The following CABLES1 variants were observed in gnomAD, a reference collection of about 807,000 sequenced individuals.
CABLES1 encodes the protein Cdk5 and Abl enzyme substrate 1, also known as CDK5 and ABL1 enzyme substrate 1.
CABLES1 carries 36 observed loss-of-function variants against 57.8 expected under a neutral mutation model. The ratio of observed to expected loss-of-function variants is 0.62; its 90% confidence interval spans 0.48 to 0.82. The LOEUF is 0.82. CABLES1 is among the 40% of genes least tolerant of loss of function. CABLES1 has a pLI of 0.00. For synonymous variants in CABLES1, 374 were observed against 363.0 expected (o/e 1.03, Z -0.35); for missense variants, 767 against 836.6 (o/e 0.92, Z 1.03).
intron 7 of CABLES1, among the ~76,000 whole-genome samples, chr18:23,241,638 C>A (rs1429097127): frequency 6.6e-6 from 1 of 152,224 alleles, no homozygotes; most frequent in African/African-American, 2.4e-5. Context: ...TGTTCTTGTG[C>A]ATGGCTTTCT....
chr18:23,156,310 C>T (rs890682681), intron 1 of CABLES1, among the ~76,000 whole-genome samples: 10 of 152,140 alleles, frequency 6.6e-5, no homozygotes, highest in Non-Finnish European at 1.3e-4. Context: ...GATGGAGGGA[C>T]GAGAGCCCTT....
intron 1 of CABLES1, among the ~76,000 whole-genome samples, chr18:23,148,151 G>A (rs554376192): frequency 7.7e-4 from 117 of 151,998 alleles, no homozygotes; most frequent in African/African-American, 2.6e-3. Context: ...CACCATGCCC[G>A]GCTAATTTTT....
At chr18:23,224,500 A>G (rs2047512663) in intron 4 of CABLES1, among the ~76,000 whole-genome samples, 1 of 151,936 alleles carries the variant, frequency 6.6e-6, no homozygotes, top group African/African-American at 2.4e-5. Context: ...ATTATATGTG[A>G]AAGCTGTAGT....
chr18:23,211,417 G>T (rs572658950), intron 3 of CABLES1, among the ~76,000 whole-genome samples: 1 of 152,298 alleles, frequency 6.6e-6, no homozygotes, highest in South Asian at 2.1e-4. Context: ...GAGAGCCTCT[G>T]CCCCTCCATC....
chr18:23,177,315 G>A (rs1413042840), intron 1 of CABLES1, among the ~76,000 whole-genome samples: 3 of 152,054 alleles, frequency 2.0e-5, no homozygotes, highest in African/African-American at 7.2e-5. Context: ...CTGGCCCCCT[G>A]CACCACACAC....
chr18:23,135,992 G>C lies in CABLES1; in HGVS notation c.230G>C (p.Arg77Pro). The change falls in exon 1 of 10, where the codon CGG becomes CCG. Residue 77 changes from arginine to proline, a missense_variant. Transcript: ENST00000256925. ...CTCACCAACATCTCGCTGGACGGCC[G>C]GCTGCCGCCGCAGGACGCGGAGTGG... The part of the protein sequence containing the change: ...SFLTNISLDG[R>P]LPPQDAEWGG... The C allele has an allele frequency of 8.8e-7, 1 of 1,139,672 alleles. No individual in the cohort carries two copies. Among genetic ancestry groups the C allele is most frequent in the South Asian group, 4.0e-5 (1 of 24,774 alleles). 70.6% of individuals were successfully genotyped at this position (1,139,672 alleles called of 1,614,324 possible).
chr18:23,224,883 T>G (rs2047516893), intron 4 of CABLES1, among the ~76,000 whole-genome samples: 1 of 151,906 alleles, frequency 6.6e-6, no homozygotes, highest in Non-Finnish European at 1.5e-5. Context: ...TTTTCTTTCT[T>G]TTTGAGAAAG....
chr18:23,153,881 A>AAT (rs1452206611), intron 1 of CABLES1, among the ~76,000 whole-genome samples: 1 of 152,100 alleles, frequency 6.6e-6, no homozygotes, highest in Non-Finnish European at 1.5e-5. Flanking sequence ...AAATATAAAA[A>AAT]TTAGCTGAGT....
chr18:23,200,468 T>C (rs574877033), intron 3 of CABLES1, among the ~76,000 whole-genome samples: 2 of 152,186 alleles, frequency 1.3e-5, no homozygotes, highest in Non-Finnish European at 2.9e-5. Flanking sequence ...TTCACCATGT[T>C]AGCCAGGAAG....
intron 1 of CABLES1, among the ~76,000 whole-genome samples, chr18:23,143,067 A>C (rs2046867510): frequency 3.3e-5 from 5 of 152,158 alleles, no homozygotes; most frequent in Admixed American, 3.3e-4. Context: ...GGTCAGGCTC[A>C]TGCATGCTTG....
At chr18:23,165,114 G>A (rs1261115390) in intron 1 of CABLES1, among the ~76,000 whole-genome samples, 2 of 151,930 alleles carry the variant, frequency 1.3e-5, no homozygotes, top group Non-Finnish European at 2.9e-5. Flanking sequence ...CTTTTTTAGA[G>A]ACAGGGTCTT....
intron 1 of CABLES1, among the ~76,000 whole-genome samples, chr18:23,178,185 C>T (rs1251644529): frequency 6.6e-6 from 1 of 151,864 alleles, no homozygotes; most frequent in Non-Finnish European, 1.5e-5. Flanking sequence ...TTTATCTCAT[C>T]AGCCACACAA....
intron 3 of CABLES1, among the ~76,000 whole-genome samples, chr18:23,212,517 C>T (rs118045485): frequency 4.6e-5 from 7 of 152,250 alleles, no homozygotes; most frequent in East Asian, 1.9e-4. Context: ...TGCCAAAAGC[C>T]GAAAGTGGCT....
At chr18:23,215,198 T>C (rs913619336) in intron 4 of CABLES1, among the ~76,000 whole-genome samples, 2 of 152,200 alleles carry the variant, frequency 1.3e-5, no homozygotes, top group Non-Finnish European at 2.9e-5. Flanking sequence ...CAGCAAATCC[T>C]GCAGCTCGGA....
intron 1 of CABLES1, among the ~76,000 whole-genome samples, chr18:23,151,318 TC>T (rs2046929147): frequency 6.6e-6 from 1 of 150,916 alleles, no homozygotes; most frequent in African/African-American, 2.4e-5. Flanking sequence ...GTGCCGGGCC[TC>T]CCTGGCCTAC....
chr18:23,208,530 G>A (rs2047381103), intron 3 of CABLES1, among the ~76,000 whole-genome samples: 2 of 152,208 alleles, frequency 1.3e-5, no homozygotes, highest in African/African-American at 4.8e-5. Context: ...GAGCTGGGAA[G>A]AGAATGAGTT....
At chr18:23,183,906 A>G (rs2047184640) in intron 1 of CABLES1, among the ~76,000 whole-genome samples, 1 of 152,186 alleles carries the variant, frequency 6.6e-6, no homozygotes, top group Admixed American at 6.5e-5. Context: ...TGTTTATTAC[A>G]GGCTTTCTGG....
chr18:23,228,964 G>C (rs1246977487), intron 4 of CABLES1, among the ~76,000 whole-genome samples: 1 of 152,112 alleles, frequency 6.6e-6, no homozygotes, highest in Non-Finnish European at 1.5e-5. Flanking sequence ...TAGGGTGTCT[G>C]TAGAAATGAG....
rs145993873 is a variant in CABLES1, at chr18:23,149,185, C to T, written c.845+12578C>T. Among the ~76,000 whole-genome samples the T allele has an allele frequency of 1.2e-4, 18 of 152,202 alleles. No individual in the cohort carries two copies. The South Asian group carries it at 1.7e-3, about 14-fold the overall frequency. On this transcript the variant is annotated intron_variant, in intron 1 of 9. Transcript: ENST00000256925. ...CTGGGATTGCAGAGGTGAGCCACTGCGCCTGGCCTCATGCTTTTTGTTTTT... is the reference window on the plus strand; with the variant it reads ...CTGGGATTGCAGAGGTGAGCCACTGTGCCTGGCCTCATGCTTTTTGTTTTT...
Sources: gnomAD v4.1 joint callset for allele counts (sites outside exome capture counted in the v4.1 genomes callset) on GRCh38, gnomAD v4.1.1 for gene constraint, MANE v1.5 for transcripts, NCBI Gene and HGNC (gene_info 2026-07-23, HGNC 2026-07-21) for gene names.